The following BAZ1A variants were observed in gnomAD, a reference collection of about 807,000 sequenced individuals.
The protein encoded by BAZ1A is bromodomain adjacent to zinc finger domain protein 1A.
A neutral mutation model predicts 185.2 loss-of-function variants in BAZ1A; 50 were observed. The observed-to-expected ratio is 0.27, with a 90% CI of 0.22 to 0.34. BAZ1A has a LOEUF of 0.34. BAZ1A is among the 10% of genes least tolerant of loss of function. The pLI is 1.00. For missense variants in BAZ1A, 1,356 were observed against 1,839.9 expected (o/e 0.74, Z 4.81); for synonymous variants, 571 against 615.6 (o/e 0.93, Z 1.07).
chr14:34,856,798 C>T (rs1013418136), intron 3 of BAZ1A, among the ~76,000 whole-genome samples: 2 of 143,172 alleles, frequency 1.4e-5, no homozygotes, highest in Non-Finnish European at 3.0e-5. Context: ...GCAGAGGTTG[C>T]TGTGAGCCAA....
intron 4 of BAZ1A, among the ~76,000 whole-genome samples, chr14:34,817,883 T>C (rs1253827815): frequency 2.0e-5 from 3 of 152,164 alleles, no homozygotes; most frequent in Non-Finnish European, 4.4e-5. Context: ...CCTCTGATAC[T>C]GCAGGTGAGA....
At chr14:34,850,928 G>A (rs2042586671) in intron 3 of BAZ1A, among the ~76,000 whole-genome samples, 1 of 152,060 alleles carries the variant, frequency 6.6e-6, no homozygotes, top group South Asian at 2.1e-4. Context: ...GGTTAAAGGT[G>A]GAAATTATGC....
At chr14:34,765,858 A>G (rs1047840155) in intron 21 of BAZ1A, among the ~76,000 whole-genome samples, 1 of 152,174 alleles carries the variant, frequency 6.6e-6, no homozygotes, top group African/African-American at 2.4e-5. Flanking sequence ...AATGCTATCA[A>G]TCAATAGTCA....
chr14:34,799,068 G>C (rs1881362339), intron 9 of BAZ1A, among the ~76,000 whole-genome samples: 1 of 152,006 alleles, frequency 6.6e-6, no homozygotes, highest in Non-Finnish European at 1.5e-5. Context: ...AAAAGGATGA[G>C]TTCATGTCCT....
At chr14:34,778,253 T>C (rs1879787745) in intron 17 of BAZ1A, among the ~76,000 whole-genome samples, 1 of 152,282 alleles carries the variant, frequency 6.6e-6, no homozygotes, top group Non-Finnish European at 1.5e-5. Flanking sequence ...AATGCAGACA[T>C]GGTGATAAAT....
At chr14:34,829,945 T>C (rs2042217128) in intron 3 of BAZ1A, among the ~76,000 whole-genome samples, 1 of 152,208 alleles carries the variant, frequency 6.6e-6, no homozygotes, top group Admixed American at 6.5e-5. Flanking sequence ...GATAACTGAT[T>C]GTCTGACTCT....
intron 18 of BAZ1A, among the ~76,000 whole-genome samples, chr14:34,775,016 A>T (rs937743750): frequency 1.3e-5 from 2 of 152,068 alleles, no homozygotes; most frequent in Non-Finnish European, 2.9e-5. Context: ...GGAGTTTGAG[A>T]CCAGCCTGGC....
chr14:34,756,892 G>A (rs1373575026), intron 25 of BAZ1A, among the ~76,000 whole-genome samples: 1 of 152,174 alleles, frequency 6.6e-6, no homozygotes, highest in Non-Finnish European at 1.5e-5. Flanking sequence ...CAAACACTCT[G>A]GGGCTCAGGA....
chr14:34,840,313 T>A (rs1427163350), intron 3 of BAZ1A, among the ~76,000 whole-genome samples: 1 of 152,100 alleles, frequency 6.6e-6, no homozygotes, highest in Non-Finnish European at 1.5e-5. Flanking sequence ...AAAATCCCTG[T>A]TTTTTCAGAA....
At chr14:34,870,746 G>A (rs2042937138) in intron 2 of BAZ1A, among the ~76,000 whole-genome samples, 1 of 152,198 alleles carries the variant, frequency 6.6e-6, no homozygotes, top group African/African-American at 2.4e-5. Context: ...TAGAATAATT[G>A]ATGTTAGAGT....
Position 34,776,081 on chromosome 14 carries a change from G to A in BAZ1A, c.2671C>T (p.Arg891Trp), listed in dbSNP as rs2138586764. 1.2e-6 allele frequency: 2 copies of A among 1,614,134 alleles called. No homozygotes were observed. Among genetic ancestry groups the A allele is most frequent in the South Asian group, 1.1e-5 (1 of 91,080 alleles). The stretch of plus-strand genomic sequence containing the variant: ...TCACAAGAACTGTAAAAGCACCACC[G>A]ATTTGGCTTATGCACTGGTTTTGGC... ...QLPKPVHKPNRWCFYSSCEQL... is the reference protein window; with the variant it reads ...QLPKPVHKPNWWCFYSSCEQL... The change falls in exon 18 of 27, where the codon CGG (arginine) becomes TGG (tryptophan). Residue 891 changes from arginine (R) to tryptophan (W), a missense_variant. Coordinates refer to ENST00000360310, the MANE Select transcript of BAZ1A (RefSeq NM_013448.3).
chr14:34,826,857 A>C (rs1324523318), intron 3 of BAZ1A, among the ~76,000 whole-genome samples: 1 of 152,182 alleles, frequency 6.6e-6, no homozygotes, highest in East Asian at 1.9e-4. Flanking sequence ...GAGTCAGTGG[A>C]CTGAGTCAGG....
intron 4 of BAZ1A, among the ~76,000 whole-genome samples, chr14:34,818,479 T>C (rs2042037992): frequency 6.6e-6 from 1 of 152,202 alleles, no homozygotes; most frequent in African/African-American, 2.4e-5. Flanking sequence ...ATACATTTTT[T>C]AAATTACTAA....
chr14:34,753,745 A>C (rs1886118595), intron 26 of BAZ1A, 41 bp from the exon 27 acceptor site: 2 of 1,371,306 alleles, frequency 1.5e-6, no homozygotes, highest in Admixed American at 2.6e-5. Flanking sequence ...ATGAAAGTAC[A>C]TAAATTATAA....
chr14:34,771,503 A>G lies in BAZ1A; in HGVS notation c.3301+8T>C. Reference sequence around the variant, plus strand: ...AACTAATATTTTGAAATAAAAACAGATACTTACCAAGTGGAGCTTTCAGAA... The same window carrying G: ...AACTAATATTTTGAAATAAAAACAGGTACTTACCAAGTGGAGCTTTCAGAA... On this transcript the variant is annotated splice_region_variant and intron_variant, in intron 21 of 26. Coordinates refer to ENST00000360310, the MANE Select transcript of BAZ1A (RefSeq NM_013448.3). 6.2e-7 allele frequency: 1 copy of G among 1,602,180 alleles called. No individual in the cohort carries two copies.
chr14:34,820,606 T>C (rs186730778), intron 4 of BAZ1A, among the ~76,000 whole-genome samples: 51 of 152,362 alleles, frequency 3.3e-4, no homozygotes, highest in African/African-American at 1.2e-3. Context: ...CAGTTACTTC[T>C]TTCATGGGTT....
chr14:34,828,799 GTCT>G (rs2042198969), intron 3 of BAZ1A: 1 of 152,128 alleles, frequency 6.6e-6, no homozygotes, highest in South Asian at 2.1e-4. Context: ...CCAGGGTATG[GTCT>G]CTTCTTCTCA....
rs539628176 is a variant in BAZ1A, at chr14:34,781,138, T to C, written c.2112-828A>G. ...ACACCATTATGTTCTAAATCCACAG[T>C]TGGGTTTTGCAAGTTCTAATGTAAG... On this transcript the variant is annotated intron_variant, in intron 16 of 26. Transcript: ENST00000360310. Among the ~76,000 whole-genome samples the C allele has an allele frequency of 3.9e-5, 6 of 152,344 alleles. No individual in the cohort carries two copies. The South Asian group carries it at 8.3e-4, about 21-fold the overall frequency.
chr14:34,843,598 G>A (rs1594894996), intron 3 of BAZ1A, among the ~76,000 whole-genome samples: 1 of 152,122 alleles, frequency 6.6e-6, no homozygotes, highest in East Asian at 1.9e-4. Context: ...TAAGAGTAAT[G>A]TTTACTGATT....
Sources: allele counts gnomAD v4.1 joint callset (sites outside exome capture counted in the v4.1 genomes callset), GRCh38; gene constraint gnomAD v4.1.1; transcripts MANE v1.5; gene names NCBI Gene and HGNC (gene_info 2026-07-23, HGNC 2026-07-21).